The following TCERG1 variants were observed in gnomAD, a reference collection of about 807,000 sequenced individuals.
TCERG1 encodes the protein TATA box binding protein (TBP)-associated factor, RNA polymerase II, S, 150kD.
In TCERG1, 37 loss-of-function variants were observed where a neutral mutation model predicts 144.7. The ratio of observed to expected loss-of-function variants is 0.26; its 90% confidence interval spans 0.20 to 0.34. TCERG1 has a LOEUF of 0.34. Among genes scored for constraint, TCERG1 ranks in the 10% least tolerant of loss-of-function variants. TCERG1 has a pLI of 1.00. For synonymous variants in TCERG1, 492 were observed against 458.2 expected (o/e 1.07, Z -0.94); for missense variants, 1,027 against 1,380.7 (o/e 0.74, Z 4.06).
chr5:146,463,739 G>T lies in TCERG1; in HGVS notation c.1081G>T (p.Val361Leu). The change falls in exon 5 of 23, where the codon GTA becomes TTA. Residue 361 changes from valine to leucine, a missense_variant. By Grantham distance (32) the Val-to-Leu change is conservative. Transcript: ENST00000679501. The part of the protein sequence containing the change: ...PTTAIPAFPP[V>L]MVPPFRVPLP... Reference sequence around the variant, plus strand: ...AACAGCAATACCTGCTTTTCCACCAGTAATGGTACCTCCGTTTCGTGTTCC... The same window carrying T: ...AACAGCAATACCTGCTTTTCCACCATTAATGGTACCTCCGTTTCGTGTTCC... 6.2e-7 allele frequency: 1 copy of T among 1,614,134 alleles called. No individual in the cohort carries two copies. Among genetic ancestry groups the T allele is most frequent in the East Asian group, 2.2e-5 (1 of 44,872 alleles).
intron 15 of TCERG1, among the ~76,000 whole-genome samples, chr5:146,486,732 G>T (rs1765868931): frequency 6.6e-6 from 1 of 152,098 alleles, no homozygotes; most frequent in Admixed American, 6.6e-5. Context: ...CAGATGACAG[G>T]ATCTTACATA....
rs533812567 is a variant in TCERG1, at chr5:146,475,976, T to C, written c.1602-2517T>C. 2.0e-5 allele frequency among the ~76,000 whole-genome samples: 3 copies of C among 152,336 alleles called. No homozygotes were observed. The South Asian group carries it at 6.2e-4, about 32-fold the overall frequency. ...TTGATGTTTAAAATTGTCTCATCTT[T>C]GGTCAGGAGAAGCCTCTTGCGCTAA... On this transcript the variant is annotated intron_variant, in intron 9 of 22. Coordinates refer to ENST00000679501, the MANE Select transcript of TCERG1 (RefSeq NM_001382548.1).
At chr5:146,509,119 C>A in intron 21 of TCERG1, 26 bp from the exon 22 acceptor site, 7 of 1,370,262 alleles carry the variant, frequency 5.1e-6, no homozygotes, top group South Asian at 1.3e-5. Context: ...TTTCCATAAT[C>A]TCAACTTTTT....
chr5:146,448,887 A>G (rs77314222), intron 1 of TCERG1, among the ~76,000 whole-genome samples: 3,239 of 152,308 alleles, frequency 0.021, 53 homozygotes, highest in Non-Finnish European at 0.031. Context: ...ATTAGGGAAC[A>G]TTCTTTTGCA....
chr5:146,453,845 C>A (rs1432756058), intron 1 of TCERG1, among the ~76,000 whole-genome samples: 1 of 151,822 alleles, frequency 6.6e-6, no homozygotes. Context: ...CACAACATTT[C>A]TTTGTCTTTT....
intron 21 of TCERG1, 44 bp from the exon 22 acceptor site, chr5:146,509,101 G>C: frequency 8.9e-7 from 1 of 1,124,090 alleles, no homozygotes; most frequent in Non-Finnish European, 1.3e-6. Flanking sequence ...TGGAATTAGT[G>C]GGTTTTATTT....
chr5:146,456,469 A>G (rs1762846406), intron 2 of TCERG1, among the ~76,000 whole-genome samples: 1 of 152,140 alleles, frequency 6.6e-6, no homozygotes, highest in South Asian at 2.1e-4. Context: ...TTGGCTTTAT[A>G]TTAAGTCCAA....
At position 146,498,565 on chromosome 5, in the gene TCERG1, A is replaced by G; in HGVS notation, c.2312A>G (p.His771Arg). ...RATFSEFAAKHAKDSRFKAIE... is the reference protein window; with the variant it reads ...RATFSEFAAKRAKDSRFKAIE... ...ACTTTTAGTGAATTTGCAGCCAAGC[A>G]TGCTAAAGATTCAAGATTCAAAGCA... is the stretch of plus-strand genomic sequence containing the variant. Residue 771 changes from histidine (H) to arginine (R), a missense_variant, in exon 17 of 23, where the codon CAT (histidine) becomes CGT (arginine). Around this residue, in one of 6 missense-constraint regions of TCERG1, gnomAD observed 482 missense variants for 632.6 expected, o/e 0.76. Coordinates refer to ENST00000679501, the MANE Select transcript of TCERG1 (RefSeq NM_001382548.1). The G allele has an allele frequency of 6.2e-7, 1 of 1,608,626 alleles. No homozygotes were observed. Among genetic ancestry groups the G allele is most frequent in the South Asian group, 1.1e-5 (1 of 89,964 alleles).
chr5:146,495,303 G>T (rs1766788007), intron 16 of TCERG1, among the ~76,000 whole-genome samples: 2 of 152,158 alleles, frequency 1.3e-5, no homozygotes, highest in African/African-American at 4.8e-5. Context: ...TGTCTTGTTG[G>T]CACTAAGTAA....
At chr5:146,492,899 A>G (rs993672526) in intron 15 of TCERG1, 21 bp from the exon 16 acceptor site, 1 of 1,562,972 alleles carries the variant, frequency 6.4e-7, no homozygotes, top group Admixed American at 1.8e-5. Flanking sequence ...GACTTGTCAA[A>G]TTTGTTGATT....
In TCERG1 at chr5:146,463,944, C is replaced by G. The variant is rs1405499827; in HGVS notation, c.1135+151C>G. On this transcript the variant is annotated intron_variant, in intron 5 of 22. Transcript: ENST00000679501. Reference sequence around the variant, plus strand: ...TTCATGGCTAACTGCAATATTTTCTCTTAAGTTTTGGTAAATGTCCTTTTT... The same window carrying G: ...TTCATGGCTAACTGCAATATTTTCTGTTAAGTTTTGGTAAATGTCCTTTTT... The G allele has an allele frequency of 4.3e-6, 5 of 1,163,428 alleles. No homozygotes were observed. In the African/African-American group the frequency reaches 6.2e-5, roughly 14 times the overall value. The allele number at this position is 1,163,428 out of a possible 1,614,324, so 72.1% of individuals were successfully genotyped here.
At chr5:146,509,382 C>G in intron 22 of TCERG1, 137 bp downstream of exon 22, 1 of 555,594 alleles carries the variant, frequency 1.8e-6, no homozygotes, top group Non-Finnish European at 3.1e-6. Flanking sequence ...AACTTCTGTC[C>G]AAAGTCAAAT....
In TCERG1 at chr5:146,495,560, G is replaced by A. The variant is rs563650265; in HGVS notation, c.2282+2522G>A. On this transcript the variant is annotated intron_variant, in intron 16 of 22. Transcript: ENST00000679501. ...TTGTTAAAAATGTTGAATTAATGTT[G>A]GATATTGATTAGTATTGGTTGCATA... is the stretch of plus-strand genomic sequence containing the variant. Among the ~76,000 whole-genome samples the A allele has an allele frequency of 1.1e-4, 17 of 152,268 alleles. No homozygotes were observed. In the East Asian group the frequency reaches 3.1e-3, roughly 28 times the overall value.
At chr5:146,490,965 A>G (rs570943417) in intron 15 of TCERG1, among the ~76,000 whole-genome samples, 1 of 151,700 alleles carries the variant, frequency 6.6e-6, no homozygotes, top group Admixed American at 6.6e-5. Flanking sequence ...TTATGGGTGC[A>G]TTATCTTAGC....
chr5:146,485,074 T>TTA (rs1765705921), intron 15 of TCERG1, among the ~76,000 whole-genome samples: 1 of 152,240 alleles, frequency 6.6e-6, no homozygotes, highest in Admixed American at 6.5e-5. Context: ...TGGTCTCTAA[T>TTA]ATTCTACATA....
At chr5:146,492,499 A>G (rs900661204) in intron 15 of TCERG1, among the ~76,000 whole-genome samples, 1 of 152,198 alleles carries the variant, frequency 6.6e-6, no homozygotes, top group Non-Finnish European at 1.5e-5. Flanking sequence ...GATGTAAAGC[A>G]TGATTACATT....
In TCERG1 at chr5:146,478,545, C is replaced by T. The variant is rs1404273742; in HGVS notation, c.1654C>T (p.Arg552Cys). The change falls in exon 10 of 23, where the codon CGT becomes TGT. Residue 552 changes from arginine (R) to cysteine (C), a missense_variant. Coordinates refer to ENST00000679501, the MANE Select transcript of TCERG1 (RefSeq NM_001382548.1). ...ERVFFYNPTTRLSMWDRPDDL... is the reference protein window; with the variant it reads ...ERVFFYNPTTCLSMWDRPDDL... Reference sequence around the variant, plus strand: ...GGTCTTCTTTTATAATCCCACCACTCGTCTTTCTATGTGGGACCGACCTGA... The same window carrying T: ...GGTCTTCTTTTATAATCCCACCACTTGTCTTTCTATGTGGGACCGACCTGA... The T allele has an allele frequency of 1.9e-6, 3 of 1,611,106 alleles. No homozygotes were observed. Among genetic ancestry groups the T allele is most frequent in the African/African-American group, 1.3e-5 (1 of 74,786 alleles).
Position 146,507,675 on chromosome 5 carries a change from A to T in TCERG1, c.2962-198A>T, listed in dbSNP as rs906163993. On this transcript the variant is annotated intron_variant, in intron 20 of 22. Coordinates refer to ENST00000679501, the MANE Select transcript of TCERG1 (RefSeq NM_001382548.1). The surrounding 1 kb of genome is among the most constrained non-coding windows in gnomAD (Gnocchi z 4.6). ...CTTAGGCCACCTTGAAAGTATGGCC[A>T]TGAAAATAACTCTTGTGGCAAGCCA... is the stretch of plus-strand genomic sequence containing the variant. The T allele has an allele frequency of 2.2e-6, 1 of 448,098 alleles. No individual in the cohort carries two copies. Among genetic ancestry groups the T allele is most frequent in the African/African-American group, 2.0e-5 (1 of 49,306 alleles). The allele number at this position is 448,098 out of a possible 1,614,324, so 27.8% of individuals were successfully genotyped here. A position where few individuals can be genotyped will look rare whatever the true frequency, so the allele number is the denominator to read the frequency against.
At chr5:146,469,438 C>T in intron 6 of TCERG1, 106 bp from the exon 7 acceptor site, 1 of 892,584 alleles carries the variant, frequency 1.1e-6, no homozygotes, top group Non-Finnish European at 1.6e-6. Flanking sequence ...CCAACTGGTC[C>T]ATTCATTTAT....
Sources: allele counts gnomAD v4.1 joint callset (sites outside exome capture counted in the v4.1 genomes callset), GRCh38; gene constraint gnomAD v4.1.1; regional missense constraint gnomAD v4.1.1; non-coding constraint Gnocchi (gnomAD v3.1); transcripts MANE v1.5; gene names NCBI Gene and HGNC (gene_info 2026-07-23, HGNC 2026-07-21).